FUCA2: variants seen among roughly 807,000 people sequenced by gnomAD.
FUCA2 encodes the protein plasma alpha-L-fucosidase.
FUCA2 carries 41 observed loss-of-function variants against 52.6 expected under a neutral mutation model. That is an observed-to-expected ratio of 0.78 (90% CI 0.61 to 1.01). FUCA2 has a LOEUF of 1.01. Among genes scored for constraint, FUCA2 ranks in the 50% least tolerant of loss-of-function variants. The probability of loss-of-function intolerance (pLI) is 0.00; values close to 1 mark genes in which losing one functional copy is unlikely to be tolerated. For synonymous variants in FUCA2, 211 were observed against 217.3 expected (o/e 0.97, Z 0.26); for missense variants, 507 against 569.5 (o/e 0.89, Z 1.12).
In FUCA2 at chr6:143,501,469, C is replaced by T. The variant is rs1490023581; in HGVS notation, c.1154+463G>A. Among the ~76,000 whole-genome samples, 1 of 152,214 alleles carries T rather than the reference C, an allele frequency of 6.6e-6. No individual in the cohort carries two copies. Among genetic ancestry groups the T allele is most frequent in the African/African-American group, 2.4e-5 (1 of 41,446 alleles). Reference sequence around the variant, plus strand: ...GAACCTCCTCAAGCTCAGAGAGAAGCATCTTCCCTGAACCCTCCCTATTTT... The same window carrying T: ...GAACCTCCTCAAGCTCAGAGAGAAGTATCTTCCCTGAACCCTCCCTATTTT... On this transcript the variant is annotated intron_variant, in intron 5 of 6. Transcript: ENST00000002165. The surrounding 1 kb of genome is among the most constrained non-coding windows in gnomAD (Gnocchi z 6.1).
At position 143,509,827 on chromosome 6, in the gene FUCA2, A is replaced by G. The variant is rs540126791; in HGVS notation, c.224+1584T>C. 2.6e-5 allele frequency among the ~76,000 whole-genome samples: 4 copies of G among 152,356 alleles called. No individual in the cohort carries two copies. The East Asian group carries it at 7.7e-4, about 29-fold the overall frequency. ...TTATCCAGTTTTATTTTTTACATCA[A>G]TTGACCTACCAATAAGAAAGGTTAC... is the stretch of plus-strand genomic sequence containing the variant. On this transcript the variant is annotated intron_variant, in intron 1 of 6. Coordinates refer to ENST00000002165, the MANE Select transcript of FUCA2 (RefSeq NM_032020.5). The surrounding 1 kb of genome is among the most constrained non-coding windows in gnomAD (Gnocchi z 5.4).
At position 143,500,949 on chromosome 6, in the gene FUCA2, C is replaced by T. The variant is rs112054279; in HGVS notation, c.1154+983G>A. On this transcript the variant is annotated intron_variant, in intron 5 of 6. Coordinates refer to ENST00000002165, the MANE Select transcript of FUCA2 (RefSeq NM_032020.5). This position sits in a 1 kb window ranked among gnomAD's most constrained non-coding sequence, Gnocchi z 6.9. ...GGCAGGGAAGTTGGTAGGAGCCAGACTCACAGTTTTATAAGCCACATTAAA... is the reference window on the plus strand; with the variant it reads ...GGCAGGGAAGTTGGTAGGAGCCAGATTCACAGTTTTATAAGCCACATTAAA... Among the ~76,000 whole-genome samples the T allele has an allele frequency of 0.01, 1,554 of 152,248 alleles. 23 individuals carry two copies. The highest frequency in any genetic ancestry group is 0.036 in the African/African-American group (1,486 of 41,526).
rs539202814 is a variant in FUCA2, at chr6:143,510,253, CTGTAT to C, written c.224+1153_224+1157del. The stretch of plus-strand genomic sequence containing the variant: ...GTTAATATAATATATAGTTCATACT[CTGTAT>C]TGTGTCTACTAAATATAGTATGTTA... On this transcript the variant is annotated intron_variant, in intron 1 of 6. Transcript: ENST00000002165. This position sits in a 1 kb window ranked among gnomAD's most constrained non-coding sequence, Gnocchi z 4.4. Among the ~76,000 whole-genome samples, 1 of 152,158 alleles carries C rather than the reference CTGTAT, an allele frequency of 6.6e-6. No homozygotes were observed. Among genetic ancestry groups the C allele is most frequent in the South Asian group, 2.1e-4 (1 of 4,822 alleles).
rs550154029 is a variant in FUCA2 at position 143,506,742 on chromosome 6, GTCACTTTCA to G, written c.412+486_412+494del. On this transcript the variant is annotated intron_variant, in intron 2 of 6. Coordinates refer to ENST00000002165, the MANE Select transcript of FUCA2 (RefSeq NM_032020.5). ...ATCCTTTTCCCTCCAGGTGATCTGG[GTCACTTTCA>G]TCACTTTCATCACTATCAGTTCATC... 1.3e-3 allele frequency: 196 copies of G among 152,656 alleles called. 1 individual carries two copies. The highest frequency in any genetic ancestry group is 2.3e-3 in the Non-Finnish European group (157 of 68,416). 9.5% of individuals were successfully genotyped at this position (152,656 alleles called of 1,614,324 possible). A position where few individuals can be genotyped will look rare whatever the true frequency, so the allele number is the denominator to read the frequency against.
rs1296000990 is a variant in FUCA2, at chr6:143,495,830, A to G, written c.1281T>C (p.His427=). 2 of 1,614,126 alleles carry G rather than the reference A, an allele frequency of 1.2e-6. No homozygotes were observed. Among genetic ancestry groups the G allele is most frequent in the South Asian group, 1.1e-5 (1 of 91,080 alleles). The part of the protein sequence containing the change: ...LGATEVKLLG[H]GQPLNWISLE... ...AAGAAATCCAGTTAAGTGGCTGTCC[A>G]TGGCCCAGTAGTTTCACCTGAAATT... The change falls in exon 7 of 7, where the codon CAT becomes CAC. Residue 427 remains histidine (H), a synonymous_variant. Transcript: ENST00000002165. This position sits in a 1 kb window ranked among gnomAD's most constrained non-coding sequence, Gnocchi z 5.2.
chr6:143,495,990 ACT>A lies in FUCA2; in HGVS notation c.1264-145_1264-144del, dbSNP rs1385911264. The A allele has an allele frequency of 1.5e-4, 110 of 750,304 alleles. No individual in the cohort carries two copies. The highest frequency in any genetic ancestry group is 1.2e-3 in the East Asian group (46 of 37,248). The allele number at this position is 750,304 out of a possible 1,614,324, so 46.5% of individuals were successfully genotyped here. ...TACCTTTATTTAGTGATTCACAATC[ACT>A]CTTCATCCAATTGAGTGTATGTATC... On this transcript the variant is annotated intron_variant, in intron 6 of 6. Transcript: ENST00000002165. This position sits in a 1 kb window ranked among gnomAD's most constrained non-coding sequence, Gnocchi z 5.2.
At position 143,494,887 on chromosome 6, in the gene FUCA2, C is replaced by T. The variant is rs192492076; in HGVS notation, c.*820G>A. On this transcript the variant is annotated 3_prime_UTR_variant, in exon 7 of 7. Transcript: ENST00000002165. This position sits in a 1 kb window ranked among gnomAD's most constrained non-coding sequence, Gnocchi z 6.6. ...GCCAAAAAGGTTTTAAAAATTAAAACGTTTGTAAAGTTACAGTACACTTAT... is the reference window on the plus strand; with the variant it reads ...GCCAAAAAGGTTTTAAAAATTAAAATGTTTGTAAAGTTACAGTACACTTAT... 1.3e-5 allele frequency: 2 copies of T among 152,174 alleles called. No individual in the cohort carries two copies. The highest frequency in any genetic ancestry group is 2.9e-5 in the Non-Finnish European group (2 of 67,990). 9.4% of individuals were successfully genotyped at this position (152,174 alleles called of 1,614,324 possible).
chr6:143,510,410 C>G lies in FUCA2; in HGVS notation c.224+1001G>C, dbSNP rs1274679293. 6.6e-6 allele frequency among the ~76,000 whole-genome samples: 1 copy of G among 151,950 alleles called. No individual in the cohort carries two copies. The highest frequency in any genetic ancestry group is 2.4e-5 in the African/African-American group (1 of 41,390). On this transcript the variant is annotated intron_variant, in intron 1 of 6. Transcript: ENST00000002165. The surrounding 1 kb of genome is among the most constrained non-coding windows in gnomAD (Gnocchi z 4.4). ...CTGGAATTACAGGTATGAGCCACCG[C>G]GGATCACCTGAGGTCAGGAGTTCAA... is the stretch of plus-strand genomic sequence containing the variant.
rs1277471798 is a variant in FUCA2, at chr6:143,499,679, G to C, written c.1155-2182C>G. Among the ~76,000 whole-genome samples the C allele has an allele frequency of 3.9e-5, 6 of 152,168 alleles. No homozygotes were observed. Among genetic ancestry groups the C allele is most frequent in the African/African-American group, 1.4e-4 (6 of 41,438 alleles). On this transcript the variant is annotated intron_variant, in intron 5 of 6. Coordinates refer to ENST00000002165, the MANE Select transcript of FUCA2 (RefSeq NM_032020.5). This position sits in a 1 kb window ranked among gnomAD's most constrained non-coding sequence, Gnocchi z 6.0. ...ACACCAGGAGAGACAGTGATAAACTGAGGCAGACACTGCCAGTAAGTTAAG... is the reference window on the plus strand; with the variant it reads ...ACACCAGGAGAGACAGTGATAAACTCAGGCAGACACTGCCAGTAAGTTAAG...
chr6:143,495,764 G>C lies in FUCA2; in HGVS notation c.1347C>G (p.Thr449=). Residue 449 remains threonine (T), a synonymous_variant, in exon 7 of 7, where the codon ACC becomes ACG. Transcript: ENST00000002165. The surrounding 1 kb of genome is among the most constrained non-coding windows in gnomAD (Gnocchi z 5.2). The part of the protein sequence containing the change: ...NGIMVELPQL[T]IHQMPCKWGW... ...CCCATTTACACGGCATCTGATGAAT[G>C]GTTAGCTGTGGCAGTTCTACCATAA... 4 of 1,614,072 alleles carry C rather than the reference G, an allele frequency of 2.5e-6. No homozygotes were observed. Among genetic ancestry groups the C allele is most frequent in the Non-Finnish European group, 3.4e-6 (4 of 1,179,954 alleles).
chr6:143,501,170 C>G lies in FUCA2; in HGVS notation c.1154+762G>C, dbSNP rs1780521578. Among the ~76,000 whole-genome samples, 1 of 152,132 alleles carries G rather than the reference C, an allele frequency of 6.6e-6. No individual in the cohort carries two copies. The highest frequency in any genetic ancestry group is 6.5e-5 in the Admixed American group (1 of 15,274). ...GTTCTCATTATGGCTTCTCCCAGAT[C>G]AACATTTTAAAATTCCACAATTATT... On this transcript the variant is annotated intron_variant, in intron 5 of 6. Transcript: ENST00000002165. This position sits in a 1 kb window ranked among gnomAD's most constrained non-coding sequence, Gnocchi z 6.1.
Position 143,504,270 on chromosome 6 carries a change from A to C in FUCA2, c.413-18T>G, listed in dbSNP as rs1171080258. Reference sequence around the variant, plus strand: ...GGTAAAGCCTAGAAAATTATAGTGAAAACCCTTGTAAGCATGTCAACTTTA... The same window carrying C: ...GGTAAAGCCTAGAAAATTATAGTGACAACCCTTGTAAGCATGTCAACTTTA... On this transcript the variant is annotated intron_variant, in intron 2 of 6. Coordinates refer to ENST00000002165, the MANE Select transcript of FUCA2 (RefSeq NM_032020.5). This position sits in a 1 kb window ranked among gnomAD's most constrained non-coding sequence, Gnocchi z 4.4. 1 of 1,584,646 alleles carries C rather than the reference A, an allele frequency of 6.3e-7. No individual in the cohort carries two copies. The highest frequency in any genetic ancestry group is 8.6e-7 in the Non-Finnish European group (1 of 1,165,238).
chr6:143,506,958 C>T (rs1281173106), intron 2 of FUCA2: 3 of 363,850 alleles, frequency 8.2e-6, no homozygotes, highest in Non-Finnish European at 1.5e-5. Flanking sequence ...CTCCCTTCAA[C>T]AAACAGCTTT....
chr6:143,497,409 CT>C lies in FUCA2; in HGVS notation c.1242del (p.Ala415LeufsTer8), dbSNP rs751579324. ...CTTACCTCTGTTGCCCCCAGAATAG[CT>C]TTGGGATGGCCAAGGAACAGCTGTC... ...TSGQLFLGHP[K>X]AILGATEVKL... is the part of the protein sequence containing the mutation. On this transcript the variant is annotated frameshift_variant, in exon 6 of 7. Coordinates refer to ENST00000002165, the MANE Select transcript of FUCA2 (RefSeq NM_032020.5). LOFTEE classifies it low-confidence loss of function (END_TRUNC). The surrounding 1 kb of genome is among the most constrained non-coding windows in gnomAD (Gnocchi z 5.3). The C allele has an allele frequency of 3.1e-6, 5 of 1,612,630 alleles. No individual in the cohort carries two copies. Among genetic ancestry groups the C allele is most frequent in the Non-Finnish European group, 4.2e-6 (5 of 1,178,802 alleles).
chr6:143,507,150 A>G lies in FUCA2; in HGVS notation c.412+87T>C. The G allele has an allele frequency of 7.8e-7, 1 of 1,285,264 alleles. No homozygotes were observed. The highest frequency in any genetic ancestry group is 1.1e-6 in the Non-Finnish European group (1 of 923,950). 79.6% of individuals were successfully genotyped at this position (1,285,264 alleles called of 1,614,324 possible). ...TTATGGTTGCTCCGAAGAGAAAATT[A>G]GACCTTGCTTTAGTTTTTTCTTCCA... On this transcript the variant is annotated intron_variant, in intron 2 of 6. Transcript: ENST00000002165. The surrounding 1 kb of genome is among the most constrained non-coding windows in gnomAD (Gnocchi z 4.5).
At position 143,507,493 on chromosome 6, in the gene FUCA2, C is replaced by A; in HGVS notation, c.225-69G>T. 8.9e-7 allele frequency: 1 copy of A among 1,126,158 alleles called. No homozygotes were observed. Among genetic ancestry groups the A allele is most frequent in the East Asian group, 2.7e-5 (1 of 37,368 alleles). 69.8% of individuals were successfully genotyped at this position (1,126,158 alleles called of 1,614,324 possible). A position where few individuals can be genotyped will look rare whatever the true frequency, so the allele number is the denominator to read the frequency against. On this transcript the variant is annotated intron_variant, in intron 1 of 6. Coordinates refer to ENST00000002165, the MANE Select transcript of FUCA2 (RefSeq NM_032020.5). The surrounding 1 kb of genome is among the most constrained non-coding windows in gnomAD (Gnocchi z 4.5). ...CATATTTAAAAGAACTGCTCCAGCTCCCCTTACCATTTACCCCTCACACAG... is the reference window on the plus strand; with the variant it reads ...CATATTTAAAAGAACTGCTCCAGCTACCCTTACCATTTACCCCTCACACAG...
chr6:143,498,495 G>C (rs570605058), intron 5 of FUCA2, among the ~76,000 whole-genome samples: 1 of 152,128 alleles, frequency 6.6e-6, no homozygotes, highest in Admixed American at 6.5e-5. Context: ...AGCGCCATAA[G>C]AGCACCACGG....
rs767965102 is a variant in FUCA2, at chr6:143,502,018, C to T, written c.1068G>A (p.Met356Ile). ...CTCCATTGACTTTTAGCCAGGACCCCATTTGCCTCAGTCGCTCCTCAAAAA... is the reference window on the plus strand; with the variant it reads ...CTCCATTGACTTTTAGCCAGGACCCTATTTGCCTCAGTCGCTCCTCAAAAA... ...SVVFEERLRQ[M>I]GSWLKVNGEA... is the part of the protein sequence containing the mutation. The change falls in exon 5 of 7, where the codon ATG (methionine) becomes ATA (isoleucine). Residue 356 changes from methionine to isoleucine, a missense_variant. Met to Ile is a conservative substitution (Grantham distance 10). Coordinates refer to ENST00000002165, the MANE Select transcript of FUCA2 (RefSeq NM_032020.5). The surrounding 1 kb of genome is among the most constrained non-coding windows in gnomAD (Gnocchi z 4.1). 2 of 1,613,870 alleles carry T rather than the reference C, an allele frequency of 1.2e-6. No homozygotes were observed. Among genetic ancestry groups the T allele is most frequent in the Admixed American group, 1.7e-5 (1 of 59,958 alleles).
In FUCA2 at chr6:143,497,432, T is replaced by C. The variant is rs1780473768; in HGVS notation, c.1220A>G (p.Gln407Arg). The C allele has an allele frequency of 1.2e-6, 2 of 1,613,900 alleles. No individual in the cohort carries two copies. Among genetic ancestry groups the C allele is most frequent in the African/African-American group, 1.3e-5 (1 of 74,936 alleles). Residue 407 changes from glutamine to arginine, a missense_variant, in exon 6 of 7, where the codon CAG (glutamine) becomes CGG (arginine). Coordinates refer to ENST00000002165, the MANE Select transcript of FUCA2 (RefSeq NM_032020.5). The surrounding 1 kb of genome is among the most constrained non-coding windows in gnomAD (Gnocchi z 5.3). Reference protein sequence around the residue: ...AIFLKWPTSGQLFLGHPKAIL... With the variant: ...AIFLKWPTSGRLFLGHPKAIL... ...AGCTTTGGGATGGCCAAGGAACAGC[T>C]GTCCTGATGTGGGCCATTTAAGAAA...
Sources: gnomAD v4.1 joint callset for allele counts (sites outside exome capture counted in the v4.1 genomes callset) on GRCh38, gnomAD v4.1.1 for gene constraint, Gnocchi (gnomAD v3.1) non-coding constraint, MANE v1.5 for transcripts, NCBI Gene and HGNC (gene_info 2026-07-23, HGNC 2026-07-21) for gene names.